Variants in PLCB1 observed in about 807,000 individuals in gnomAD.
PLCB1 encodes the protein phospholipase C beta 1.
PLCB1 carries 46 observed loss-of-function variants against 161.8 expected under a neutral mutation model. That is an observed-to-expected ratio of 0.28 (90% CI 0.22 to 0.36). The LOEUF (loss-of-function observed/expected upper bound fraction) is 0.36, where lower values mean the gene tolerates loss of function less well. PLCB1 is among the 10% of genes least tolerant of loss of function. PLCB1 has a pLI of 1.00. For synonymous variants in PLCB1, 517 were observed against 503.7 expected, an observed-to-expected ratio of 1.03 and a Z score of -0.35; for missense variants, 1,016 against 1,472.5, an observed-to-expected ratio of 0.69 and a Z score of 5.07.
At chr20:8,819,773 T>C (rs1420381478) in intron 31 of PLCB1, among the ~76,000 whole-genome samples, 1 of 152,162 alleles carries the variant, frequency 6.6e-6, no homozygotes, top group Non-Finnish European at 1.5e-5. Context: ...ACCAACAGTT[T>C]ACAGTTGTCC....
chr20:8,860,544 C>G (rs1378958400), intron 31 of PLCB1, among the ~76,000 whole-genome samples: 3 of 152,176 alleles, frequency 2.0e-5, no homozygotes, highest in Non-Finnish European at 4.4e-5. Flanking sequence ...CTGTTCAAGA[C>G]TCCCCAAACC....
At chr20:8,234,369 T>C (rs1041293378) in intron 2 of PLCB1, among the ~76,000 whole-genome samples, 2 of 152,072 alleles carry the variant, frequency 1.3e-5, no homozygotes, top group Non-Finnish European at 2.9e-5. Context: ...TACAGAAATA[T>C]GCAGTGTATG....
Position 8,727,393 on chromosome 20 carries a change from A to G in PLCB1, c.1763A>G (p.Glu588Gly). The change falls in exon 17 of 32, where the codon GAA (glutamate) becomes GGA (glycine). Residue 588 changes from glutamate (E) to glycine (G), a missense_variant and splice_region_variant. Glu to Gly is a moderately conservative substitution (Grantham distance 98). Coordinates refer to ENST00000338037, the MANE Select transcript of PLCB1 (RefSeq NM_015192.4). ...ACCAAGTCTCCAGTGGAATTTGTAG[A>G]GTATCCTTGATTTGACGAATGACTG... Reference protein sequence around the residue: ...QLTKSPVEFVEYNKMQLSRIY... With the variant: ...QLTKSPVEFVGYNKMQLSRIY... 1.3e-6 allele frequency: 2 copies of G among 1,517,628 alleles called. No individual in the cohort carries two copies. Among genetic ancestry groups the G allele is most frequent in the Middle Eastern group, 1.7e-4 (1 of 5,838 alleles). 94.0% of individuals were successfully genotyped at this position (1,517,628 alleles called of 1,614,324 possible). A position where few individuals can be genotyped will look rare whatever the true frequency, so the allele number is the denominator to read the frequency against.
intron 2 of PLCB1, among the ~76,000 whole-genome samples, chr20:8,295,548 A>C (rs1046567124): frequency 6.6e-6 from 1 of 152,118 alleles, no homozygotes; most frequent in Non-Finnish European, 1.5e-5. Flanking sequence ...GACCAAATCT[A>C]TGTTTGCTAA....
At chr20:8,876,428 T>C (rs1987782787) in intron 31 of PLCB1, among the ~76,000 whole-genome samples, 1 of 152,198 alleles carries the variant, frequency 6.6e-6, no homozygotes, top group South Asian at 2.1e-4. Flanking sequence ...TGTGGTGATT[T>C]TTTTTCCAAG....
chr20:8,636,581 C>T (rs758154843), intron 4 of PLCB1, among the ~76,000 whole-genome samples: 2 of 152,154 alleles, frequency 1.3e-5, no homozygotes, highest in Non-Finnish European at 2.9e-5. Context: ...AAAGGGGCAA[C>T]TTGGATTTCA....
At chr20:8,715,495 T>C (rs1364316620) in intron 12 of PLCB1, among the ~76,000 whole-genome samples, 3 of 152,190 alleles carry the variant, frequency 2.0e-5, no homozygotes, top group Non-Finnish European at 4.4e-5. Flanking sequence ...TTCTCCTCAT[T>C]TTATAGACCC....
chr20:8,833,445 T>C (rs1986110903), intron 31 of PLCB1, among the ~76,000 whole-genome samples: 1 of 152,226 alleles, frequency 6.6e-6, no homozygotes, highest in Admixed American at 6.5e-5. Flanking sequence ...ATGGGGATTA[T>C]GGGATCTACA....
intron 2 of PLCB1, among the ~76,000 whole-genome samples, chr20:8,348,043 C>G (rs1040733916): frequency 2.6e-5 from 4 of 152,020 alleles, no homozygotes; most frequent in African/African-American, 9.7e-5. Flanking sequence ...AATCATGTAA[C>G]TGGAGAAAAT....
chr20:8,580,705 C>T (rs1986808034), intron 3 of PLCB1, among the ~76,000 whole-genome samples: 1 of 152,212 alleles, frequency 6.6e-6, no homozygotes, highest in South Asian at 2.1e-4. Context: ...GCCATTTATG[C>T]TTTCAAGGAA....
chr20:8,721,765 T>G (rs1979645996), intron 14 of PLCB1, among the ~76,000 whole-genome samples: 1 of 152,184 alleles, frequency 6.6e-6, no homozygotes. Flanking sequence ...ACGATTTTTA[T>G]GTAGTGACTT....
chr20:8,449,859 C>T (rs1055246508), intron 3 of PLCB1, among the ~76,000 whole-genome samples: 2 of 152,164 alleles, frequency 1.3e-5, no homozygotes, highest in African/African-American at 4.8e-5. Context: ...AAAGAACACA[C>T]ACGTTACTGC....
At chr20:8,276,926 TTTCTTCTTCTTCTTC>T (rs752434070) in intron 2 of PLCB1, among the ~76,000 whole-genome samples, 3,751 of 104,686 alleles carry the variant, frequency 0.036, 92 homozygotes, top group Non-Finnish European at 0.043. Flanking sequence ...GTCTTCTTCT[TTTCTTCTTCTTCTTC>T]TTCTTCTTCT....
intron 3 of PLCB1, among the ~76,000 whole-genome samples, chr20:8,380,988 G>A (rs139474882): frequency 1.3e-3 from 192 of 152,276 alleles, no homozygotes; most frequent in Middle Eastern, 3.4e-3. Context: ...GGTTGAATAG[G>A]AGTGGTGAGA....
rs1327749219 is a variant in PLCB1, at chr20:8,429,639, C to T, written c.246+58189C>T. On this transcript the variant is annotated intron_variant, in intron 3 of 31. Transcript: ENST00000338037. ...GTGTTCTGAGTGATAATATAAAATG[C>T]ATTTTTTACTGAGGAGCATGATCAG... Among the ~76,000 whole-genome samples the T allele has an allele frequency of 2.6e-5, 4 of 151,948 alleles. No homozygotes were observed. In the East Asian group the frequency reaches 7.7e-4, roughly 29 times the overall value.
intron 31 of PLCB1, among the ~76,000 whole-genome samples, chr20:8,806,766 A>G (rs1997753): frequency 0.97 from 148,312 of 152,210 alleles, 72,277 homozygotes; most frequent in East Asian, 1. Flanking sequence ...ATATTTATGA[A>G]GCCCTACTAC....
intron 27 of PLCB1, among the ~76,000 whole-genome samples, chr20:8,777,446 C>T (rs1455488631): frequency 2.0e-5 from 3 of 151,998 alleles, no homozygotes; most frequent in Non-Finnish European, 4.4e-5. Flanking sequence ...CAGCTGGGTG[C>T]GGTGGCTCAC....
At chr20:8,293,342 A>G (rs1983468481) in intron 2 of PLCB1, among the ~76,000 whole-genome samples, 1 of 152,162 alleles carries the variant, frequency 6.6e-6, no homozygotes, top group Admixed American at 6.6e-5. Flanking sequence ...GTTACTTGGG[A>G]AGAATGACTG....
At chr20:8,243,407 G>T (rs950608375) in intron 2 of PLCB1, among the ~76,000 whole-genome samples, 3 of 151,932 alleles carry the variant, frequency 2.0e-5, no homozygotes, top group Non-Finnish European at 4.4e-5. Flanking sequence ...GGCAACATAG[G>T]TCTGAAAGAA....
Sources: allele counts gnomAD v4.1 joint callset (sites outside exome capture counted in the v4.1 genomes callset), GRCh38; gene constraint gnomAD v4.1.1; transcripts MANE v1.5; gene names NCBI Gene and HGNC (gene_info 2026-07-23, HGNC 2026-07-21).